NELL2: variants seen among roughly 807,000 people sequenced by gnomAD.
NELL2 encodes the protein protein kinase C-binding protein NELL2.
A neutral mutation model predicts 109.6 loss-of-function variants in NELL2; 41 were observed. The ratio of observed to expected loss-of-function variants is 0.37; its 90% CI spans 0.29 to 0.49. NELL2 has a LOEUF of 0.49. NELL2 is among the 20% of genes least tolerant of loss of function. The probability of loss-of-function intolerance (pLI) is 0.98; values close to 1 mark genes in which losing one functional copy is unlikely to be tolerated. For synonymous variants in NELL2, 355 were observed against 344.7 expected (o/e 1.03, Z -0.33); for missense variants, 900 against 1,008.3 (o/e 0.89, Z 1.45).
chr12:44,826,985 T>G (rs767112721), intron 2 of NELL2, among the ~76,000 whole-genome samples: 4 of 152,226 alleles, frequency 2.6e-5, no homozygotes, highest in Non-Finnish European at 5.9e-5. Flanking sequence ...ATTTATATCA[T>G]ACAATCTCCT....
chr12:44,532,512 T>C, intron 16 of NELL2, 69 bp downstream of exon 16: 1 of 1,498,810 alleles, frequency 6.7e-7, no homozygotes, highest in Non-Finnish European at 9.1e-7. Flanking sequence ...GTCTTCTATT[T>C]ATAGCTTATG....
chr12:44,744,076 G>A (rs148242498), intron 9 of NELL2, among the ~76,000 whole-genome samples: 33,271 of 151,774 alleles, frequency 0.22, 4,212 homozygotes, highest in African/African-American at 0.36. Context: ...CAAATGTAAA[G>A]GAATAGAAAT....
chr12:44,885,026 C>A (rs1566592301), intron 1 of NELL2, among the ~76,000 whole-genome samples: 1 of 151,972 alleles, frequency 6.6e-6, no homozygotes, highest in Non-Finnish European at 1.5e-5. Flanking sequence ...CCCCTGTAAT[C>A]CCAGCACTTT....
intron 3 of NELL2, among the ~76,000 whole-genome samples, chr12:44,795,384 C>A (rs1014056463): frequency 6.6e-6 from 1 of 152,158 alleles, no homozygotes; most frequent in Non-Finnish European, 1.5e-5. Flanking sequence ...CTCACTACTA[C>A]CTGTGACCTA....
chr12:44,698,291 C>A (rs990390997), intron 12 of NELL2, among the ~76,000 whole-genome samples: 1 of 152,078 alleles, frequency 6.6e-6, no homozygotes, highest in Non-Finnish European at 1.5e-5. Flanking sequence ...ATTCATAACT[C>A]AGATGAATCA....
chr12:44,808,528 T>C (rs1242407798), intron 3 of NELL2, among the ~76,000 whole-genome samples: 1 of 151,856 alleles, frequency 6.6e-6, no homozygotes, highest in Non-Finnish European at 1.5e-5. Context: ...CTAAGTAAAG[T>C]TTTTTAATTA....
intron 9 of NELL2, among the ~76,000 whole-genome samples, chr12:44,738,923 C>T (rs1214114069): frequency 6.6e-6 from 1 of 152,106 alleles, no homozygotes; most frequent in African/African-American, 2.4e-5. Context: ...TAAAAAAGTG[C>T]TACCTCCCAC....
intron 13 of NELL2, among the ~76,000 whole-genome samples, chr12:44,622,050 C>A (rs1407961104): frequency 6.6e-6 from 1 of 152,158 alleles, no homozygotes; most frequent in Admixed American, 6.6e-5. Context: ...TGAACCCTCA[C>A]ATCTTGCCGT....
chr12:44,847,287 A>G (rs1944399734), intron 2 of NELL2, among the ~76,000 whole-genome samples: 1 of 152,214 alleles, frequency 6.6e-6, no homozygotes, highest in African/African-American at 2.4e-5. Flanking sequence ...TTAGATTATT[A>G]TCTGTCTTAT....
intron 9 of NELL2, among the ~76,000 whole-genome samples, chr12:44,736,283 AC>A (rs1939647936): frequency 6.6e-6 from 1 of 152,070 alleles, no homozygotes; most frequent in Non-Finnish European, 1.5e-5. Context: ...TGCTGGGATT[AC>A]AGGCGTGAGC....
intron 15 of NELL2, among the ~76,000 whole-genome samples, chr12:44,597,635 G>A (rs544320675): frequency 4.1e-4 from 62 of 152,258 alleles, no homozygotes; most frequent in Non-Finnish European, 8.4e-4. Flanking sequence ...AAATGCAAGA[G>A]TGTATTTATA....
At chr12:44,702,606 G>A (rs924963773) in intron 12 of NELL2, among the ~76,000 whole-genome samples, 4 of 152,100 alleles carry the variant, frequency 2.6e-5, no homozygotes, top group Admixed American at 6.6e-5. Flanking sequence ...TTACCTCTAT[G>A]TTATGTAAGG....
intron 15 of NELL2, among the ~76,000 whole-genome samples, chr12:44,533,674 A>G (rs1942181894): frequency 6.6e-6 from 1 of 152,122 alleles, no homozygotes; most frequent in Non-Finnish European, 1.5e-5. Flanking sequence ...TGTTTCGTCT[A>G]CTGAATCGTG....
chr12:44,746,760 T>G (rs1033606068), intron 9 of NELL2, among the ~76,000 whole-genome samples: 1 of 151,846 alleles, frequency 6.6e-6, no homozygotes, highest in African/African-American at 2.4e-5. Context: ...TACCATCTCA[T>G]ACCAGTTAGA....
chr12:44,723,818 T>C (rs978179905), intron 9 of NELL2, among the ~76,000 whole-genome samples: 8 of 152,282 alleles, frequency 5.3e-5, no homozygotes, highest in African/African-American at 1.7e-4. Flanking sequence ...TTAGCCACTA[T>C]GGAAAGCCGT....
chr12:44,754,127 A>T (rs2136533405), intron 9 of NELL2, among the ~76,000 whole-genome samples: 1 of 151,602 alleles, frequency 6.6e-6, no homozygotes, highest in South Asian at 2.1e-4. Context: ...GCTATTTTAA[A>T]GCTATTTGAA....
chr12:44,750,218 C>T (rs991849855), intron 9 of NELL2, among the ~76,000 whole-genome samples: 1 of 152,078 alleles, frequency 6.6e-6, no homozygotes, highest in African/African-American at 2.4e-5. Flanking sequence ...TGTTAAAGAT[C>T]AAATGAAAAG....
At chr12:44,523,234 A>T in intron 17 of NELL2, 57 bp downstream of exon 17, 1 of 1,575,036 alleles carries the variant, frequency 6.3e-7, no homozygotes, top group Non-Finnish European at 8.7e-7. Context: ...TACACACTTA[A>T]AACATATGCA....
intron 15 of NELL2, among the ~76,000 whole-genome samples, chr12:44,536,295 G>T (rs192052890): frequency 2.0e-5 from 3 of 151,972 alleles, no homozygotes; most frequent in Non-Finnish European, 4.4e-5. Context: ...AGTATATTTT[G>T]TCTATATACA....
Sources: allele counts gnomAD v4.1 joint callset (sites outside exome capture counted in the v4.1 genomes callset), GRCh38; gene constraint gnomAD v4.1.1; transcripts MANE v1.5; gene names NCBI Gene and HGNC (gene_info 2026-07-23, HGNC 2026-07-21).